SULT1E1: variants seen among roughly 807,000 people sequenced by gnomAD.
SULT1E1 encodes sulfotransferase family 1E member 1.
Under a neutral mutation model 33.6 loss-of-function variants are expected in SULT1E1, and 36 were observed. That is an observed-to-expected ratio of 1.07 (90% CI 0.82 to 1.41). The LOEUF (loss-of-function observed/expected upper bound fraction) is 1.41, where lower values mean the gene tolerates loss of function less well. Ranked by LOEUF, SULT1E1 falls within the 40% of genes most tolerant of loss-of-function variation. The pLI is 0.00. For synonymous variants in SULT1E1, 121 were observed against 111.7 expected, an observed-to-expected ratio of 1.08 and a Z score of -0.53; for missense variants, 371 against 345.7, an observed-to-expected ratio of 1.07 and a Z score of -0.58.
chr4:69,847,667 C>T (rs2110067998), intron 6 of SULT1E1, 31 bp downstream of exon 6: 6 of 1,385,448 alleles, frequency 4.3e-6, no homozygotes, highest in Non-Finnish European at 2.0e-6. Flanking sequence ...TTAGAAATTA[C>T]CAAGTTGCTT....
chr4:69,854,885 C>A (rs1481565729), intron 3 of SULT1E1, among the ~76,000 whole-genome samples: 2 of 151,940 alleles, frequency 1.3e-5, no homozygotes, highest in Non-Finnish European at 2.9e-5. Context: ...TATTACACAA[C>A]CTTTAACTAT....
At chr4:69,824,820 G>A in the SULT1E1 span, among the ~76,000 whole-genome samples, 9 of 152,158 alleles carry the variant, frequency 5.9e-5, no homozygotes, top group Non-Finnish European at 8.8e-5. Context: ...AACAGGACGT[G>A]GGCAGGGCCA....
downstream of SULT1E1, among the ~76,000 whole-genome samples, chr4:69,837,101 A>G (rs956458075): frequency 7.2e-6 from 1 of 138,994 alleles, no homozygotes; most frequent in African/African-American, 2.6e-5. Flanking sequence ...AAAAAAAAAA[A>G]TGTAGGTAGG....
In SULT1E1 at chr4:69,846,305, C is replaced by CAA. The variant is rs34408656; in HGVS notation, c.591+1391_591+1392dup. On this transcript the variant is annotated intron_variant, in intron 6 of 7. Coordinates refer to ENST00000226444, the MANE Select transcript of SULT1E1 (RefSeq NM_005420.3). ...TCCCATCCCACATAAACAAAACAAT[C>CAA]AAAAAAAAAAAAAAAAAGAAAAGAA... 6.7e-4 allele frequency among the ~76,000 whole-genome samples: 72 copies of CAA among 107,018 alleles called. No homozygotes were observed. In the East Asian group the frequency reaches 7.6e-3, roughly 11 times the overall value. The allele number at this position is 107,018 out of a possible 152,430, so 70.2% of individuals were successfully genotyped here. A position where few individuals can be genotyped will look rare whatever the true frequency, so the allele number is the denominator to read the frequency against.
chr4:69,821,861 GA>G, the SULT1E1 span, among the ~76,000 whole-genome samples: 1 of 152,172 alleles, frequency 6.6e-6, no homozygotes, highest in South Asian at 2.1e-4. Flanking sequence ...GGGTAAATGG[GA>G]AAGAAATATT....
chr4:69,840,495 A>T (rs1196221270), downstream of SULT1E1, among the ~76,000 whole-genome samples: 1 of 152,188 alleles, frequency 6.6e-6, no homozygotes, highest in Non-Finnish European at 1.5e-5. Context: ...AACAATAAAA[A>T]ATTTTAATTC....
At chr4:69,846,095 T>C (rs1720970694) in intron 6 of SULT1E1, among the ~76,000 whole-genome samples, 1 of 150,062 alleles carries the variant, frequency 6.7e-6, no homozygotes, top group Non-Finnish European at 1.5e-5. Context: ...ATAGAGAAAA[T>C]TTCTCACCTC....
the SULT1E1 span, among the ~76,000 whole-genome samples, chr4:69,825,061 A>C: frequency 6.6e-6 from 1 of 151,978 alleles, no homozygotes; most frequent in Non-Finnish European, 1.5e-5. Flanking sequence ...AGGAACAAAC[A>C]ACTCCAGATG....
At chr4:69,848,300 C>T (rs1404321146) in intron 5 of SULT1E1, among the ~76,000 whole-genome samples, 1 of 151,678 alleles carries the variant, frequency 6.6e-6, no homozygotes, top group Non-Finnish European at 1.5e-5. Context: ...CTCGTAGGTA[C>T]CCTTAGTGTC....
intron 5 of SULT1E1, chr4:69,849,106 T>A (rs769282882): frequency 7.0e-4 from 129 of 184,030 alleles, no homozygotes; most frequent in Non-Finnish European, 1.2e-3. Flanking sequence ...TAATACGGTG[T>A]AAAACATTTG....
downstream of SULT1E1, among the ~76,000 whole-genome samples, chr4:69,840,779 G>A (rs1720865092): frequency 6.6e-6 from 1 of 152,212 alleles, no homozygotes; most frequent in African/African-American, 2.4e-5. Context: ...AGGCGCGGTG[G>A]CTCACGCCTG....
At chr4:69,851,656 T>C (rs1323809945) in intron 4 of SULT1E1, among the ~76,000 whole-genome samples, 1 of 152,180 alleles carries the variant, frequency 6.6e-6, no homozygotes, top group Non-Finnish European at 1.5e-5. Flanking sequence ...ATCATGCTAC[T>C]ATAAAGACAC....
intron 4 of SULT1E1, among the ~76,000 whole-genome samples, chr4:69,850,322 A>C (rs1474552899): frequency 6.6e-6 from 1 of 152,086 alleles, no homozygotes; most frequent in Non-Finnish European, 1.5e-5. Context: ...CTGTGAAAGT[A>C]AAGTCCAGTA....
intron 1 of SULT1E1, among the ~76,000 whole-genome samples, chr4:69,858,912 G>T (rs1182547235): frequency 6.6e-6 from 1 of 152,076 alleles, no homozygotes; most frequent in African/African-American, 2.4e-5. Context: ...AGTCAGCTGG[G>T]AGTGGTAGAT....
chr4:69,824,526 T>C, the SULT1E1 span, among the ~76,000 whole-genome samples: 9 of 152,116 alleles, frequency 5.9e-5, no homozygotes, highest in Non-Finnish European at 1.2e-4. Flanking sequence ...AGCAAGAAAT[T>C]TGGGATCCAG....
intron 1 of SULT1E1, among the ~76,000 whole-genome samples, chr4:69,858,219 A>G (rs1399899195): frequency 2.6e-5 from 4 of 152,174 alleles, no homozygotes; most frequent in Admixed American, 2.0e-4. Context: ...GGTTATATCA[A>G]AGAAATGGAA....
At chr4:69,830,128 A>G in the SULT1E1 span, among the ~76,000 whole-genome samples, 16,561 of 152,168 alleles carry the variant, frequency 0.11, 1,054 homozygotes, top group Middle Eastern at 0.18. Context: ...GCCAACTCTC[A>G]AATCCCTGTC....
the SULT1E1 span, among the ~76,000 whole-genome samples, chr4:69,824,293 C>T: frequency 6.6e-3 from 1,007 of 152,274 alleles, 12 homozygotes; most frequent in African/African-American, 0.023. Context: ...AAGTATGCCA[C>T]CAGGCAGTGC....
chr4:69,844,116 C>A, intron 7 of SULT1E1, 45 bp downstream of exon 7: 6 of 1,594,024 alleles, frequency 3.8e-6, no homozygotes, highest in Admixed American at 1.7e-5. Context: ...AACCATGTCA[C>A]CTTGTGACTT....
Sources: gnomAD v4.1 joint callset for allele counts (sites outside exome capture counted in the v4.1 genomes callset) on GRCh38, gnomAD v4.1.1 for gene constraint, MANE v1.5 for transcripts, NCBI Gene and HGNC (gene_info 2026-07-23, HGNC 2026-07-21) for gene names.